Variants in FOXO3 observed in about 807,000 individuals in gnomAD.
FOXO3 encodes forkhead box O3, also known as forkhead box protein O3.
A neutral mutation model predicts 41.9 loss-of-function variants in FOXO3; 4 were observed. The ratio of observed to expected loss-of-function variants is 0.10; its 90% CI spans 0.05 to 0.22. The LOEUF (loss-of-function observed/expected upper bound fraction) is 0.22. Among genes scored for constraint, FOXO3 ranks in the 10% least tolerant of loss-of-function variants. The probability of loss-of-function intolerance (pLI) is 1.00; values close to 1 mark genes in which losing one functional copy is unlikely to be tolerated. For synonymous variants in FOXO3, 318 were observed against 389.3 expected, an observed-to-expected ratio of 0.82 and a Z score of 2.16; for missense variants, 534 against 906.8, an observed-to-expected ratio of 0.59 and a Z score of 5.28.
chr6:108,613,729 T>A (rs1777422945), intron 1 of FOXO3, among the ~76,000 whole-genome samples: 1 of 151,976 alleles, frequency 6.6e-6, no homozygotes, highest in African/African-American at 2.4e-5. Context: ...TTTACTTCCA[T>A]TGATTTTTTT....
intron 1 of FOXO3, among the ~76,000 whole-genome samples, chr6:108,650,884 C>T (rs1419913313): frequency 6.6e-6 from 1 of 151,930 alleles, no homozygotes; most frequent in East Asian, 1.9e-4. Context: ...TAATTAGCAC[C>T]CAGGAGTGTC....
chr6:108,663,648 C>A lies in FOXO3; in HGVS notation c.815C>A (p.Ala272Glu). 1 of 1,613,198 alleles carries A rather than the reference C, an allele frequency of 6.2e-7. No individual in the cohort carries two copies. The highest frequency in any genetic ancestry group is 8.5e-7 in the Non-Finnish European group (1 of 1,179,464). The part of the protein sequence containing the change: ...KSRGRAAKKK[A>E]ALQTAPESAD... ...CGTGGCCGCGCAGCCAAGAAGAAGG[C>A]AGCCCTGCAGACAGCCCCCGAATCA... The change falls in exon 2 of 3, where the codon GCA becomes GAA. Residue 272 changes from alanine to glutamate, a missense_variant. Coordinates refer to ENST00000406360, the MANE Select transcript of FOXO3 (RefSeq NM_001455.4).
At chr6:108,676,484 G>GC (rs1168357957) in intron 2 of FOXO3, among the ~76,000 whole-genome samples, 1 of 152,008 alleles carries the variant, frequency 6.6e-6, no homozygotes. Context: ...TCAAGGGACC[G>GC]CCCCCCTCAG....
At chr6:108,629,546 A>G (rs1251476388) in intron 1 of FOXO3, among the ~76,000 whole-genome samples, 1 of 152,192 alleles carries the variant, frequency 6.6e-6, no homozygotes, top group Non-Finnish European at 1.5e-5. Context: ...AAAGGATGAT[A>G]ATATTGTAAG....
intron 1 of FOXO3, among the ~76,000 whole-genome samples, chr6:108,621,604 C>T (rs1777666276): frequency 6.6e-6 from 1 of 151,934 alleles, no homozygotes; most frequent in Non-Finnish European, 1.5e-5. Flanking sequence ...GGCTGGTGTG[C>T]AGTGCTAAAT....
rs1360615286 is a variant in FOXO3, at chr6:108,682,492, GACCC to G, written c.*2704_*2707del. 1.3e-5 allele frequency: 2 copies of G among 152,308 alleles called. No homozygotes were observed. Among genetic ancestry groups the G allele is most frequent in the African/African-American group, 4.8e-5 (2 of 41,448 alleles). The allele number at this position is 152,308 out of a possible 1,614,324, so 9.4% of individuals were successfully genotyped here. A position where few individuals can be genotyped will look rare whatever the true frequency, so the allele number is the denominator to read the frequency against. ...GTCAAGTGCAGCATCAGTACTGCGA[GACCC>G]ACCAGCCCCTGGAGAGGGTCAGCCG... On this transcript the variant is annotated 3_prime_UTR_variant, in exon 3 of 3. Coordinates refer to ENST00000406360, the MANE Select transcript of FOXO3 (RefSeq NM_001455.4).
At chr6:108,573,994 A>G (rs993689810) in intron 1 of FOXO3, among the ~76,000 whole-genome samples, 1 of 151,944 alleles carries the variant, frequency 6.6e-6, no homozygotes, top group Non-Finnish European at 1.5e-5. Context: ...TCTACTAAAA[A>G]TACAAAAAAT....
intron 1 of FOXO3, among the ~76,000 whole-genome samples, chr6:108,620,701 A>G (rs1434328481): frequency 1.3e-5 from 2 of 152,238 alleles, no homozygotes; most frequent in Non-Finnish European, 2.9e-5. Context: ...CTCTTAGTCA[A>G]TAGCTGCTGC....
At chr6:108,572,427 T>G (rs767815739) in intron 1 of FOXO3, among the ~76,000 whole-genome samples, 3 of 152,204 alleles carry the variant, frequency 2.0e-5, no homozygotes, top group Non-Finnish European at 2.9e-5. Context: ...CACTTGGTCC[T>G]TCAGGCTTAT....
At chr6:108,574,085 G>A (rs1002297284) in intron 1 of FOXO3, among the ~76,000 whole-genome samples, 6 of 151,714 alleles carry the variant, frequency 4.0e-5, no homozygotes, top group African/African-American at 1.2e-4. Context: ...CTGGAGGGGC[G>A]GAGGTTGCAG....
Position 108,610,954 on chromosome 6 carries a change from T to C in FOXO3, c.621+49125T>C, listed in dbSNP as rs1261484957. Reference sequence around the variant, plus strand: ...TGTGTACAGTTGTATAACACCACAATTACGATAAAACATTTCAAACATTTC... The same window carrying C: ...TGTGTACAGTTGTATAACACCACAACTACGATAAAACATTTCAAACATTTC... On this transcript the variant is annotated intron_variant, in intron 1 of 2. Transcript: ENST00000406360. Among the ~76,000 whole-genome samples, 5 of 152,320 alleles carry C rather than the reference T, an allele frequency of 3.3e-5. No homozygotes were observed. The East Asian group carries it at 7.7e-4, about 23-fold the overall frequency.
chr6:108,630,183 A>G (rs900110589), intron 1 of FOXO3, among the ~76,000 whole-genome samples: 13 of 152,316 alleles, frequency 8.5e-5, no homozygotes, highest in Non-Finnish European at 1.9e-4. Flanking sequence ...GTTTTAGATG[A>G]CACAAGTAAT....
chr6:108,572,606 GTTTA>G (rs1776133822), intron 1 of FOXO3, among the ~76,000 whole-genome samples: 1 of 152,130 alleles, frequency 6.6e-6, no homozygotes, highest in South Asian at 2.1e-4. Context: ...AATTGCATCT[GTTTA>G]TTCTCATATT....
At chr6:108,614,408 C>T (rs927885870) in intron 1 of FOXO3, among the ~76,000 whole-genome samples, 4 of 152,058 alleles carry the variant, frequency 2.6e-5, no homozygotes, top group African/African-American at 9.7e-5. Context: ...TATTATTAGG[C>T]AGATTAACAT....
intron 1 of FOXO3, among the ~76,000 whole-genome samples, chr6:108,624,323 A>C (rs1158688445): frequency 2.0e-5 from 3 of 152,214 alleles, no homozygotes; most frequent in South Asian, 4.1e-4. Context: ...AAAAAAAAAA[A>C]AACCTCTCAG....
intron 1 of FOXO3, among the ~76,000 whole-genome samples, chr6:108,574,152 C>CAAAAAA (rs1200932714): frequency 2.3e-4 from 17 of 72,800 alleles, no homozygotes; most frequent in Admixed American, 1.4e-4. Flanking sequence ...GACTCTGTCT[C>CAAAAAA]AAAAAAAAAA....
intron 2 of FOXO3, among the ~76,000 whole-genome samples, chr6:108,677,410 G>T (rs969758209): frequency 9.2e-5 from 14 of 152,166 alleles, no homozygotes; most frequent in African/African-American, 3.1e-4. Context: ...GGGCTCATGG[G>T]TGTCCTCTGT....
chr6:108,567,584 G>T (rs1775980303), intron 1 of FOXO3, among the ~76,000 whole-genome samples: 1 of 152,178 alleles, frequency 6.6e-6, no homozygotes, highest in Non-Finnish European at 1.5e-5. Flanking sequence ...GAGTGACTGG[G>T]TTCAGGGTTC....
intron 2 of FOXO3, among the ~76,000 whole-genome samples, chr6:108,668,716 GA>G (rs1206733742): frequency 2.0e-5 from 3 of 152,180 alleles, no homozygotes; most frequent in African/African-American, 7.2e-5. Flanking sequence ...ATGGAGAGGG[GA>G]GGGGTGGTTC....
Sources: allele counts gnomAD v4.1 joint callset (sites outside exome capture counted in the v4.1 genomes callset), GRCh38; gene constraint gnomAD v4.1.1; transcripts MANE v1.5; gene names NCBI Gene and HGNC (gene_info 2026-07-23, HGNC 2026-07-21).